MAPKAP1: variants seen among roughly 807,000 people sequenced by gnomAD.
The protein encoded by MAPKAP1 is target of rapamycin complex 2 subunit MAPKAP1.
MAPKAP1 carries 20 observed loss-of-function variants against 65.7 expected under a neutral mutation model. The ratio of observed to expected loss-of-function variants is 0.30; its 90% confidence interval spans 0.21 to 0.44. MAPKAP1 has a LOEUF of 0.44. Among genes scored for constraint, MAPKAP1 ranks in the 20% least tolerant of loss-of-function variants. MAPKAP1 has a pLI of 1.00. For missense variants in MAPKAP1, 423 were observed against 648.0 expected, an observed-to-expected ratio of 0.65 and a Z score of 3.77; for synonymous variants, 222 against 244.3, an observed-to-expected ratio of 0.91 and a Z score of 0.85.
chr9:125,475,709 G>A (rs1408584125), intron 9 of MAPKAP1, among the ~76,000 whole-genome samples: 1 of 152,212 alleles, frequency 6.6e-6, no homozygotes, highest in Non-Finnish European at 1.5e-5. Flanking sequence ...TCTCTCTGCA[G>A]AGAAGGCATT....
intron 7 of MAPKAP1, among the ~76,000 whole-genome samples, chr9:125,540,117 A>G (rs1830198556): frequency 6.6e-6 from 1 of 152,222 alleles, no homozygotes; most frequent in Non-Finnish European, 1.5e-5. Flanking sequence ...AAGCAAAATG[A>G]TTTTGAAACC....
intron 4 of MAPKAP1, 100 bp from the exon 5 acceptor site, chr9:125,585,827 G>T: frequency 8.6e-7 from 1 of 1,158,072 alleles, no homozygotes; most frequent in Non-Finnish European, 1.3e-6. Context: ...TTTCATCCTT[G>T]CTCTACAGAC....
intron 9 of MAPKAP1, among the ~76,000 whole-genome samples, chr9:125,482,148 A>AAAG (rs549036267): frequency 0.03 from 3,538 of 116,908 alleles, 183 homozygotes; most frequent in African/African-American, 0.096. Context: ...AAAAAAAAAA[A>AAAG]AAGAAGAAGA....
intron 7 of MAPKAP1, among the ~76,000 whole-genome samples, chr9:125,539,287 T>C (rs1332398572): frequency 1.3e-5 from 2 of 152,220 alleles, no homozygotes; most frequent in African/African-American, 4.8e-5. Flanking sequence ...ATCAAAAGAA[T>C]GGACAGGAAT....
At chr9:125,458,492 G>T (rs1288824146) in intron 10 of MAPKAP1, among the ~76,000 whole-genome samples, 1 of 151,984 alleles carries the variant, frequency 6.6e-6, no homozygotes, top group Non-Finnish European at 1.5e-5. Context: ...ATTTAACCCT[G>T]AGTGGACACA....
chr9:125,619,420 T>C (rs1341216434), intron 4 of MAPKAP1, among the ~76,000 whole-genome samples: 1 of 151,574 alleles, frequency 6.6e-6, no homozygotes, highest in African/African-American at 2.4e-5. Flanking sequence ...GAGGTTACAG[T>C]GAGCTAAGAT....
At chr9:125,440,886 T>G (rs761714358) in intron 11 of MAPKAP1, among the ~76,000 whole-genome samples, 2 of 152,238 alleles carry the variant, frequency 1.3e-5, no homozygotes, top group African/African-American at 4.8e-5. Context: ...GCCAACCTAG[T>G]GTTTTCAGTG....
intron 7 of MAPKAP1, among the ~76,000 whole-genome samples, chr9:125,538,797 G>A (rs1802646381): frequency 6.6e-6 from 1 of 152,082 alleles, no homozygotes; most frequent in South Asian, 2.1e-4. Flanking sequence ...TCTTGCTCTA[G>A]AAAAAGGTCA....
intron 1 of MAPKAP1, among the ~76,000 whole-genome samples, chr9:125,676,400 G>A (rs941964843): frequency 6.6e-5 from 10 of 152,110 alleles, no homozygotes; most frequent in African/African-American, 2.4e-4. Flanking sequence ...CATGGTAGAG[G>A]GTGAACAAAA....
At chr9:125,517,580 T>C (rs753731232) in intron 7 of MAPKAP1, among the ~76,000 whole-genome samples, 1 of 152,074 alleles carries the variant, frequency 6.6e-6, no homozygotes, top group Non-Finnish European at 1.5e-5. Context: ...AAAAGAAAAA[T>C]AGTTTATGTA....
chr9:125,442,100 G>A (rs970212815), intron 11 of MAPKAP1, among the ~76,000 whole-genome samples: 3 of 124,516 alleles, frequency 2.4e-5, no homozygotes, highest in African/African-American at 9.5e-5. Context: ...CTACACCCCA[G>A]CCTGTGCAAC....
chr9:125,457,565 A>G (rs1853233919), intron 10 of MAPKAP1, among the ~76,000 whole-genome samples: 1 of 152,232 alleles, frequency 6.6e-6, no homozygotes, highest in South Asian at 2.1e-4. Context: ...CACTATCAAT[A>G]TTACACTGTA....
intron 6 of MAPKAP1, among the ~76,000 whole-genome samples, chr9:125,554,275 G>C (rs867209779): frequency 5.9e-5 from 9 of 152,264 alleles, no homozygotes; most frequent in Admixed American, 4.6e-4. Context: ...TTGGTGCCAA[G>C]TCACACTATA....
intron 4 of MAPKAP1, among the ~76,000 whole-genome samples, chr9:125,640,446 A>G (rs1833545192): frequency 6.6e-6 from 1 of 152,116 alleles, no homozygotes; most frequent in Admixed American, 6.5e-5. Flanking sequence ...CTTGAGGGAC[A>G]GGGATTACCC....
chr9:125,611,621 T>C (rs534712145), intron 4 of MAPKAP1, among the ~76,000 whole-genome samples: 1 of 152,274 alleles, frequency 6.6e-6, no homozygotes, highest in African/African-American at 2.4e-5. Context: ...AAGATCTGTA[T>C]CTTAAAACAT....
At chr9:125,694,554 G>A (rs1835327585) in intron 1 of MAPKAP1, among the ~76,000 whole-genome samples, 1 of 152,100 alleles carries the variant, frequency 6.6e-6, no homozygotes, top group African/African-American at 2.4e-5. Context: ...TATGCATAAT[G>A]CAAATTACAA....
chr9:125,521,464 A>G (rs1829615518), intron 7 of MAPKAP1: 2 of 1,209,082 alleles, frequency 1.7e-6, no homozygotes, highest in African/African-American at 1.6e-5. Flanking sequence ...AGAAATACAG[A>G]TGGTTTTGTG....
intron 8 of MAPKAP1, among the ~76,000 whole-genome samples, chr9:125,489,945 C>A (rs573910925): frequency 6.6e-6 from 1 of 152,330 alleles, no homozygotes; most frequent in East Asian, 1.9e-4. Context: ...CGGGACAGAT[C>A]TGTTGGACTC....
intron 4 of MAPKAP1, among the ~76,000 whole-genome samples, chr9:125,657,092 T>C (rs1834053904): frequency 6.6e-6 from 1 of 152,166 alleles, no homozygotes; most frequent in African/African-American, 2.4e-5. Context: ...ACAGTTATAA[T>C]AATCAAACAA....
Sources: gnomAD v4.1 joint callset for allele counts (sites outside exome capture counted in the v4.1 genomes callset) on GRCh38, gnomAD v4.1.1 for gene constraint, MANE v1.5 for transcripts, NCBI Gene and HGNC (gene_info 2026-07-23, HGNC 2026-07-21) for gene names.